The following HTR4 variants were observed in gnomAD, a reference collection of about 807,000 sequenced individuals.
HTR4 encodes 5-hydroxytryptamine (serotonin) receptor 4, G protein-coupled.
HTR4 carries 16 observed loss-of-function variants against 36.8 expected under a neutral mutation model. The observed-to-expected ratio is 0.43, with a 90% CI of 0.29 to 0.66. HTR4 has a LOEUF of 0.66. Among genes scored for constraint, HTR4 ranks in the 30% least tolerant of loss-of-function variants. The probability of loss-of-function intolerance (pLI) is 0.13; values close to 1 mark genes in which losing one functional copy is unlikely to be tolerated. For missense variants in HTR4, 438 were observed against 490.9 expected (o/e 0.89, Z 1.02); for synonymous variants, 189 against 185.1 (o/e 1.02, Z -0.17).
chr5:148,595,374 A>G (rs1761728628), intron 2 of HTR4, among the ~76,000 whole-genome samples: 1 of 152,140 alleles, frequency 6.6e-6, no homozygotes, highest in South Asian at 2.1e-4. Flanking sequence ...CCAAGATCCA[A>G]CACCAGCCCA....
At chr5:148,564,477 T>C (rs1472069443) in intron 2 of HTR4, among the ~76,000 whole-genome samples, 1 of 152,228 alleles carries the variant, frequency 6.6e-6, no homozygotes, top group Non-Finnish European at 1.5e-5. Context: ...CAGTGCCTAG[T>C]ATAACAAATA....
intron 6 of HTR4, among the ~76,000 whole-genome samples, chr5:148,493,592 G>A (rs1236463319): frequency 1.3e-5 from 2 of 151,958 alleles, no homozygotes; most frequent in Admixed American, 6.5e-5. Flanking sequence ...ATGATAAATT[G>A]GTGCTAATAA....
At chr5:148,496,259 T>G (rs983564687) in intron 6 of HTR4, among the ~76,000 whole-genome samples, 1 of 152,086 alleles carries the variant, frequency 6.6e-6, no homozygotes, top group Non-Finnish European at 1.5e-5. Flanking sequence ...TTAGTAAAAA[T>G]GTCATTTACA....
At chr5:148,566,292 A>C (rs192034061) in intron 2 of HTR4, among the ~76,000 whole-genome samples, 6 of 152,316 alleles carry the variant, frequency 3.9e-5, no homozygotes, top group Admixed American at 3.9e-4. Context: ...ATGGGTCCAG[A>C]TACTATAGTG....
At chr5:148,625,036 A>C (rs1184235527) in intron 2 of HTR4, among the ~76,000 whole-genome samples, 1 of 152,180 alleles carries the variant, frequency 6.6e-6, no homozygotes, top group Non-Finnish European at 1.5e-5. Flanking sequence ...AGGGGAGGTC[A>C]GGAGGCTTGG....
At chr5:148,649,291 T>G (rs1400118140) in intron 1 of HTR4, among the ~76,000 whole-genome samples, 1 of 151,744 alleles carries the variant, frequency 6.6e-6, no homozygotes, top group Non-Finnish European at 1.5e-5. Context: ...AAAAAGAAGC[T>G]AATATTCAAG....
chr5:148,487,469 G>A (rs1227790402), intron 6 of HTR4, among the ~76,000 whole-genome samples: 1 of 152,116 alleles, frequency 6.6e-6, no homozygotes, highest in Non-Finnish European at 1.5e-5. Flanking sequence ...TTTCTCAAAG[G>A]TCCAGAGGCT....
chr5:148,490,204 C>T (rs932173058), intron 6 of HTR4, among the ~76,000 whole-genome samples: 2 of 147,016 alleles, frequency 1.4e-5, no homozygotes, highest in African/African-American at 5.0e-5. Flanking sequence ...TATATATATA[C>T]ATATATATAT....
At chr5:148,554,025 T>C (rs1039632466) in intron 2 of HTR4, among the ~76,000 whole-genome samples, 3 of 152,266 alleles carry the variant, frequency 2.0e-5, no homozygotes, top group South Asian at 4.1e-4. Context: ...GGTATATACA[T>C]ACTACAAAAT....
At chr5:148,584,276 C>A (rs1174224214) in intron 2 of HTR4, among the ~76,000 whole-genome samples, 1 of 151,928 alleles carries the variant, frequency 6.6e-6, no homozygotes, top group Non-Finnish European at 1.5e-5. Context: ...GGAGCTTTCC[C>A]CCAAAAAAGG....
chr5:148,454,125 G>A (rs1015356896), intron 5 of HTR4, among the ~76,000 whole-genome samples: 2 of 152,296 alleles, frequency 1.3e-5, no homozygotes, highest in African/African-American at 4.8e-5. Flanking sequence ...AGCAAACCTA[G>A]TTCCCATTCA....
At chr5:148,506,513 A>C (rs374775894) in intron 6 of HTR4, among the ~76,000 whole-genome samples, 1 of 152,340 alleles carries the variant, frequency 6.6e-6, no homozygotes, top group Admixed American at 6.5e-5. Context: ...AGAAGCTAAA[A>C]TTGACAAATG....
At chr5:148,531,176 T>C (rs1758547002) in intron 4 of HTR4, among the ~76,000 whole-genome samples, 1 of 152,134 alleles carries the variant, frequency 6.6e-6, no homozygotes, top group Non-Finnish European at 1.5e-5. Flanking sequence ...GAAGGTATTA[T>C]TGGTTTTAAA....
chr5:148,552,517 C>A (rs1216336614), intron 2 of HTR4, among the ~76,000 whole-genome samples: 1 of 152,162 alleles, frequency 6.6e-6, no homozygotes, highest in African/African-American at 2.4e-5. Context: ...TAACGGCCCC[C>A]CTGAAACTCA....
At chr5:148,527,189 CATAA>C (rs1758321612) in intron 4 of HTR4, among the ~76,000 whole-genome samples, 3 of 152,020 alleles carry the variant, frequency 2.0e-5, no homozygotes, top group African/African-American at 4.8e-5. Flanking sequence ...AAATATTTTA[CATAA>C]ATAAATAATA....
chr5:148,508,200 A>T (rs1289596215), intron 6 of HTR4, among the ~76,000 whole-genome samples: 1 of 152,224 alleles, frequency 6.6e-6, no homozygotes, highest in African/African-American at 2.4e-5. Flanking sequence ...GAACAGCTGA[A>T]TACTAATCAT....
At position 148,523,106 on chromosome 5, in the gene HTR4, TACTC is replaced by T; in HGVS notation, c.507+83_507+86del. On this transcript the variant is annotated intron_variant, in intron 5 of 6. Transcript: ENST00000377888. ...CCAGACCACTATCAGATTCTTAGAATACTCAATCTAATATTATTTATTCATTTAG... is the reference window on the plus strand; with the variant it reads ...CCAGACCACTATCAGATTCTTAGAATAATCTAATATTATTTATTCATTTAG... The T allele has an allele frequency of 2.5e-6, 3 of 1,224,000 alleles. No individual in the cohort carries two copies. In the South Asian group the frequency reaches 4.3e-5, roughly 18 times the overall value. The allele number at this position is 1,224,000 out of a possible 1,614,324, so 75.8% of individuals were successfully genotyped here.
At chr5:148,512,875 G>A (rs895569196) in intron 5 of HTR4, among the ~76,000 whole-genome samples, 8 of 152,122 alleles carry the variant, frequency 5.3e-5, no homozygotes, top group African/African-American at 1.9e-4. Context: ...AGGTTGCAGT[G>A]AGCTAAGATC....
chr5:148,499,589 T>G (rs976851403), intron 6 of HTR4, among the ~76,000 whole-genome samples: 1 of 152,180 alleles, frequency 6.6e-6, no homozygotes, highest in South Asian at 2.1e-4. Context: ...ACAGAAAAAG[T>G]GTCTTGATTT....
Sources: gnomAD v4.1 joint callset for allele counts (sites outside exome capture counted in the v4.1 genomes callset) on GRCh38, gnomAD v4.1.1 for gene constraint, MANE v1.5 for transcripts, NCBI Gene and HGNC (gene_info 2026-07-23, HGNC 2026-07-21) for gene names.